The following NAA60 variants were observed in gnomAD, a reference collection of about 807,000 sequenced individuals.
NAA60 encodes N-alpha-acetyltransferase 60.
A neutral mutation model predicts 26.1 loss-of-function variants in NAA60; 8 were observed. That is an observed-to-expected ratio of 0.31 (90% CI 0.18 to 0.55). The LOEUF (loss-of-function observed/expected upper bound fraction) is 0.55, where lower values mean the gene tolerates loss of function less well. NAA60 is among the 20% of genes least tolerant of loss of function. The pLI is 0.93. For synonymous variants in NAA60, 131 were observed against 122.5 expected, an observed-to-expected ratio of 1.07 and a Z score of -0.46; for missense variants, 290 against 311.3, an observed-to-expected ratio of 0.93 and a Z score of 0.51.
At position 3,484,954 on chromosome 16, in the gene NAA60, C is replaced by T; in HGVS notation, c.*99C>T. ...CCTTCTGTTTTCTGCAAGGAGCTGC[C>T]AGCCATCTAACTGGGCTCGTCGGCC... On this transcript the variant is annotated 3_prime_UTR_variant, in exon 7 of 8. Coordinates refer to ENST00000407558, the MANE Select transcript of NAA60 (RefSeq NM_001083601.3). 6.5e-7 allele frequency: 1 copy of T among 1,535,208 alleles called. No homozygotes were observed. The highest frequency in any genetic ancestry group is 8.8e-7 in the Non-Finnish European group (1 of 1,142,816).
intron 2 of NAA60, among the ~76,000 whole-genome samples, chr16:3,452,767 C>T (rs925494481): frequency 2.0e-5 from 3 of 151,768 alleles, no homozygotes; most frequent in Non-Finnish European, 2.9e-5. Context: ...CCAGCCTGGG[C>T]AACATAGTGA....
chr16:3,467,933 A>C (rs903362899), intron 2 of NAA60: 1 of 152,044 alleles, frequency 6.6e-6, no homozygotes, highest in Admixed American at 6.6e-5. Context: ...ACGAAAGTAC[A>C]CTCCATAGGG....
intron 1 of NAA60, 126 bp from the exon 2 acceptor site, chr16:3,448,345 C>T: frequency 3.4e-6 from 2 of 591,220 alleles, no homozygotes; most frequent in Non-Finnish European, 5.6e-6. Flanking sequence ...GTTAATTTTT[C>T]CCCAAAAGGG....
intron 5 of NAA60, 38 bp downstream of exon 5, chr16:3,482,636 AC>A: frequency 1.8e-6 from 2 of 1,083,074 alleles, no homozygotes; most frequent in Non-Finnish European, 1.2e-6. Context: ...CGCCCACCCC[AC>A]CCCCTTGCCC....
chr16:3,458,635 C>G (rs1271361153), intron 2 of NAA60, among the ~76,000 whole-genome samples: 1 of 152,208 alleles, frequency 6.6e-6, no homozygotes, highest in African/African-American at 2.4e-5. Context: ...TGTTTTGGTA[C>G]TTGTTGCGCC....
In NAA60 at chr16:3,453,452, A is replaced by G. The variant is rs2150950856; in HGVS notation, c.-7+4912A>G. Among the ~76,000 whole-genome samples, 2 of 152,192 alleles carry G rather than the reference A, an allele frequency of 1.3e-5. 1 individual carries two copies. The highest frequency in any genetic ancestry group is 6.8e-3 in the Middle Eastern group (2 of 294). ...TTGAGACAGAGTTTCGCTCTCGTCC[A>G]GGCTGGAGTGCAATGGCATGATCTC... On this transcript the variant is annotated intron_variant, in intron 2 of 7. Coordinates refer to ENST00000407558, the MANE Select transcript of NAA60 (RefSeq NM_001083601.3).
rs144442759 is a variant in NAA60 at position 3,484,037 on chromosome 16, C to T, written c.572+440C>T. ...CTTTTTTTGAATACTTGGGTTCAAA[C>T]CTTCCTTATAGGATGCATGACCCAA... On this transcript the variant is annotated intron_variant, in intron 6 of 7. Transcript: ENST00000407558. Among the ~76,000 whole-genome samples the T allele has an allele frequency of 3.3e-4, 50 of 152,294 alleles. No individual in the cohort carries two copies. The East Asian group carries it at 9.1e-3, about 28-fold the overall frequency.
rs3031367 is a variant in NAA60 at position 3,475,093 on chromosome 16, C to CTTTTT, written c.-6-1119_-6-1115dup. ...ACCACACCCAGCCTTCCATCCTTTC[C>CTTTTT]TTTTTTTTTTTTTTGAGATGGAGTC... On this transcript the variant is annotated intron_variant, in intron 2 of 7. Transcript: ENST00000407558. 3.8e-3 allele frequency among the ~76,000 whole-genome samples: 513 copies of CTTTTT among 135,210 alleles called. 10 individuals carry two copies. The highest frequency in any genetic ancestry group is 0.023 in the Middle Eastern group (6 of 258). 88.7% of individuals were successfully genotyped at this position (135,210 alleles called of 152,430 possible). A position where few individuals can be genotyped will look rare whatever the true frequency, so the allele number is the denominator to read the frequency against.
intron 6 of NAA60, 29 bp downstream of exon 6, chr16:3,483,626 T>G: frequency 6.5e-7 from 1 of 1,537,866 alleles, no homozygotes; most frequent in Non-Finnish European, 8.9e-7. Context: ...GGAGAGGGAC[T>G]GTGGCTTCCT....
intron 2 of NAA60, among the ~76,000 whole-genome samples, chr16:3,475,735 C>T (rs930062237): frequency 2.0e-5 from 3 of 152,184 alleles, no homozygotes; most frequent in African/African-American, 7.2e-5. Flanking sequence ...GTCATAAAGC[C>T]GCACCATTTC....
intron 1 of NAA60, 94 bp from the exon 2 acceptor site, chr16:3,448,377 G>T: frequency 1.0e-6 from 1 of 975,226 alleles, no homozygotes; most frequent in Non-Finnish European, 1.5e-6. Flanking sequence ...GATACTCTGA[G>T]ATCCAGGGTT....
chr16:3,482,701 T>C (rs1158640868), intron 5 of NAA60, 103 bp downstream of exon 5: 2 of 802,734 alleles, frequency 2.5e-6, no homozygotes, highest in Admixed American at 2.2e-5. Context: ...CCAACAACTC[T>C]GGCTCGTGAA....
At chr16:3,472,734 TG>T (rs1470937750) in intron 2 of NAA60, among the ~76,000 whole-genome samples, 3 of 152,262 alleles carry the variant, frequency 2.0e-5, no homozygotes, top group Admixed American at 1.3e-4. Flanking sequence ...CTCCTGGCCC[TG>T]GTTGGTTTTA....
At chr16:3,461,506 AG>A (rs1203929367) in intron 2 of NAA60, among the ~76,000 whole-genome samples, 1 of 152,214 alleles carries the variant, frequency 6.6e-6, no homozygotes, top group Non-Finnish European at 1.5e-5. Flanking sequence ...GCCAGGGAGA[AG>A]CCATCGCGAG....
intron 2 of NAA60, 166 bp from the exon 3 acceptor site, chr16:3,476,056 C>T (rs1051819918): frequency 3.1e-5 from 18 of 586,164 alleles, no homozygotes; most frequent in South Asian, 1.4e-4. Flanking sequence ...GCGACTGCAG[C>T]GCCTCTTGGG....
intron 2 of NAA60, among the ~76,000 whole-genome samples, chr16:3,469,676 G>A (rs2036002353): frequency 6.6e-6 from 1 of 152,180 alleles, no homozygotes; most frequent in Admixed American, 6.5e-5. Flanking sequence ...GCCTGGCGGG[G>A]CCTGTCTCTG....
At chr16:3,463,026 C>G (rs976420100) in intron 2 of NAA60, among the ~76,000 whole-genome samples, 1 of 152,106 alleles carries the variant, frequency 6.6e-6, no homozygotes, top group Non-Finnish European at 1.5e-5. Context: ...CCTCCCTTGT[C>G]CACAGCCTCC....
chr16:3,464,444 A>G (rs75145389), intron 2 of NAA60, among the ~76,000 whole-genome samples: 1 of 152,170 alleles, frequency 6.6e-6, no homozygotes, highest in Admixed American at 6.5e-5. Context: ...GGGAGGGGCA[A>G]GTGGGGACAG....
At chr16:3,459,463 C>G (rs1413472168) in intron 2 of NAA60, among the ~76,000 whole-genome samples, 1 of 152,158 alleles carries the variant, frequency 6.6e-6, no homozygotes, top group African/African-American at 2.4e-5. Flanking sequence ...GATTAAAGAC[C>G]AGAAGAAACT....
Sources: allele counts gnomAD v4.1 joint callset (sites outside exome capture counted in the v4.1 genomes callset), GRCh38; gene constraint gnomAD v4.1.1; transcripts MANE v1.5; gene names NCBI Gene and HGNC (gene_info 2026-07-23, HGNC 2026-07-21).